NBEA: variants seen among roughly 807,000 people sequenced by gnomAD.
NBEA encodes the protein lysosomal-trafficking regulator 2.
NBEA carries 44 observed loss-of-function variants against 343.4 expected under a neutral mutation model. That is an observed-to-expected ratio of 0.13 (90% CI 0.10 to 0.16). The LOEUF (loss-of-function observed/expected upper bound fraction) is 0.16. Ranked by LOEUF, NBEA falls within the 10% of genes least tolerant of loss-of-function variation. The pLI, the probability that NBEA is intolerant of heterozygous loss-of-function variation, is 1.00. For missense variants in NBEA, 2,555 were observed against 3,631.3 expected (o/e 0.70, Z 7.62); for synonymous variants, 1,175 against 1,238.7 (o/e 0.95, Z 1.08).
At chr13:35,451,437 T>C (rs2046310606) in intron 39 of NBEA, among the ~76,000 whole-genome samples, 1 of 152,188 alleles carries the variant, frequency 6.6e-6, no homozygotes, top group African/African-American at 2.4e-5. Context: ...TTTGTGTTAT[T>C]ATATATAGCA....
intron 37 of NBEA, among the ~76,000 whole-genome samples, chr13:35,350,950 T>C (rs1028171880): frequency 6.6e-6 from 1 of 151,962 alleles, no homozygotes; most frequent in Non-Finnish European, 1.5e-5. Flanking sequence ...CTACTGTAGT[T>C]GTTAAGGAAG....
intron 17 of NBEA, among the ~76,000 whole-genome samples, chr13:35,129,915 A>G (rs1321640573): frequency 6.6e-6 from 1 of 152,170 alleles, no homozygotes; most frequent in African/African-American, 2.4e-5. Flanking sequence ...ACAATATAGT[A>G]CATATTTGTG....
intron 35 of NBEA, among the ~76,000 whole-genome samples, chr13:35,295,529 T>C (rs1018254032): frequency 6.6e-6 from 1 of 152,162 alleles, no homozygotes; most frequent in Non-Finnish European, 1.5e-5. Flanking sequence ...GTTTGTAATA[T>C]GTCCTAAAGT....
At chr13:35,349,317 C>T in intron 37 of NBEA, 101 bp downstream of exon 37, 1 of 537,316 alleles carries the variant, frequency 1.9e-6, no homozygotes, top group East Asian at 3.1e-5. Flanking sequence ...AGGAAAATTT[C>T]ACTGAAGGCA....
At chr13:35,349,984 AG>A (rs1399488088) in intron 37 of NBEA, among the ~76,000 whole-genome samples, 1 of 152,146 alleles carries the variant, frequency 6.6e-6, no homozygotes, top group Non-Finnish European at 1.5e-5. Context: ...CAAGACAAGC[AG>A]CCACTTGTCT....
At chr13:35,010,938 G>A (rs906097058) in intron 1 of NBEA, among the ~76,000 whole-genome samples, 1 of 151,110 alleles carries the variant, frequency 6.6e-6, no homozygotes, top group Non-Finnish European at 1.5e-5. Flanking sequence ...GTAGCTCAAG[G>A]ATGAAGTGGA....
intron 35 of NBEA, among the ~76,000 whole-genome samples, chr13:35,295,354 C>CT (rs1214718559): frequency 6.6e-6 from 1 of 151,730 alleles, no homozygotes; most frequent in Non-Finnish European, 1.5e-5. Context: ...AGAAGAGCCA[C>CT]TTTTTCATTT....
At chr13:35,406,955 T>A (rs2152912785) in intron 38 of NBEA, among the ~76,000 whole-genome samples, 1 of 151,528 alleles carries the variant, frequency 6.6e-6, no homozygotes, top group East Asian at 1.9e-4. Flanking sequence ...TTTTCTTTTT[T>A]CTTTGCTCTT....
chr13:35,312,489 A>C (rs940052951), intron 36 of NBEA, among the ~76,000 whole-genome samples: 1 of 152,206 alleles, frequency 6.6e-6, no homozygotes, highest in South Asian at 2.1e-4. Flanking sequence ...TGCCAGCCAC[A>C]TGGAGGCACA....
intron 43 of NBEA, among the ~76,000 whole-genome samples, chr13:35,552,187 T>C (rs2079359402): frequency 6.6e-6 from 1 of 152,200 alleles, no homozygotes; most frequent in African/African-American, 2.4e-5. Context: ...TCTTTGTCTA[T>C]CCTCCCTTAA....
intron 38 of NBEA, among the ~76,000 whole-genome samples, chr13:35,413,610 T>G (rs980542171): frequency 2.0e-5 from 3 of 152,144 alleles, no homozygotes; most frequent in African/African-American, 7.2e-5. Flanking sequence ...TATGAGTACC[T>G]AAACCCTATT....
At chr13:35,571,094 C>G (rs1452321273) in intron 45 of NBEA, among the ~76,000 whole-genome samples, 1 of 152,068 alleles carries the variant, frequency 6.6e-6, no homozygotes, top group Admixed American at 6.6e-5. Flanking sequence ...ACTCCTGATC[C>G]CAGTAATAAT....
chr13:35,628,262 C>T lies in NBEA; in HGVS notation c.7617+14C>T, dbSNP rs757148277. 6.5e-7 allele frequency: 1 copy of T among 1,539,432 alleles called. No homozygotes were observed. The highest frequency in any genetic ancestry group is 8.8e-7 in the Non-Finnish European group (1 of 1,142,236). On this transcript the variant is annotated intron_variant, in intron 49 of 58. Coordinates refer to ENST00000379939, the MANE Select transcript of NBEA (RefSeq NM_001385012.1). ...GTGCTCAGGGAGGTAGGTGTTAAAT[C>T]CCATATTATTCCAAAAATTTCTGTC... is the stretch of plus-strand genomic sequence containing the variant.
At chr13:35,403,846 G>A (rs1472014554) in intron 38 of NBEA, among the ~76,000 whole-genome samples, 19 of 152,020 alleles carry the variant, frequency 1.2e-4, no homozygotes, top group African/African-American at 3.9e-4. Context: ...AAATTTTCGC[G>A]ACCTACTCAT....
In NBEA at chr13:35,180,491, C is replaced by T. The variant is rs533164519; in HGVS notation, c.4663-1869C>T. Reference sequence around the variant, plus strand: ...AGTTATCTCTCTACCATACCACAGCCGTTGTTTTAACTATCATTGCTTTCT... The same window carrying T: ...AGTTATCTCTCTACCATACCACAGCTGTTGTTTTAACTATCATTGCTTTCT... On this transcript the variant is annotated intron_variant, in intron 28 of 58. Transcript: ENST00000379939. 9.9e-5 allele frequency among the ~76,000 whole-genome samples: 15 copies of T among 151,614 alleles called. 1 individual carries two copies. The highest frequency in any genetic ancestry group is 2.7e-4 in the African/African-American group (11 of 41,454).
intron 39 of NBEA, among the ~76,000 whole-genome samples, chr13:35,441,902 G>A (rs540864696): frequency 7.5e-4 from 113 of 149,966 alleles, no homozygotes; most frequent in African/African-American, 2.7e-3. Context: ...CACCCTGTCA[G>A]CCCACTCTCA....
At chr13:35,153,848 CT>C (rs2068962039) in intron 18 of NBEA, among the ~76,000 whole-genome samples, 1 of 152,142 alleles carries the variant, frequency 6.6e-6, no homozygotes. Flanking sequence ...CCACAATTTT[CT>C]TGGATCTCAT....
At chr13:35,499,197 A>T (rs921657361) in intron 41 of NBEA, among the ~76,000 whole-genome samples, 5 of 152,116 alleles carry the variant, frequency 3.3e-5, no homozygotes, top group African/African-American at 1.2e-4. Flanking sequence ...TATGGTGTCA[A>T]TTCTTTGGTT....
intron 38 of NBEA, among the ~76,000 whole-genome samples, chr13:35,411,884 A>G (rs1429710535): frequency 2.6e-5 from 4 of 151,958 alleles, no homozygotes; most frequent in Non-Finnish European, 4.4e-5. Context: ...GATTTCTTTA[A>G]TTCTTCCCAT....
Sources: allele counts gnomAD v4.1 joint callset (sites outside exome capture counted in the v4.1 genomes callset), GRCh38; gene constraint gnomAD v4.1.1; transcripts MANE v1.5; gene names NCBI Gene and HGNC (gene_info 2026-07-23, HGNC 2026-07-21).